Variants in PCDHGB7 observed in about 807,000 individuals in gnomAD.
PCDHGB7 encodes the protein protocadherin gamma-B7.
PCDHGB7 carries 37 observed loss-of-function variants against 61.4 expected under a neutral mutation model. That is an observed-to-expected ratio of 0.60 (90% CI 0.46 to 0.79). PCDHGB7 has a LOEUF of 0.79. PCDHGB7 is among the 30% of genes least tolerant of loss of function. The pLI, the probability that PCDHGB7 is intolerant of heterozygous loss-of-function variation, is 0.00. For missense variants in PCDHGB7, 1,166 were observed against 1,202.5 expected (o/e 0.97, Z 0.45); for synonymous variants, 464 against 503.5 (o/e 0.92, Z 1.05).
rs1051300319 is a variant in PCDHGB7 at position 141,491,957 on chromosome 5, A to T, written c.2416-2850A>T. ...GACCGACCCCCACCCCTACACTCAA[A>T]AAAGGCCGGGGCCTCCTTCGAGCTT... is the stretch of plus-strand genomic sequence containing the variant. On this transcript the variant is annotated intron_variant, in intron 1 of 3. Coordinates refer to ENST00000398594, the MANE Select transcript of PCDHGB7 (RefSeq NM_018927.4). The surrounding 1 kb of genome is among the most constrained non-coding windows in gnomAD (Gnocchi z 6.9). 3.6e-5 allele frequency: 37 copies of T among 1,020,096 alleles called. No individual in the cohort carries two copies. The highest frequency in any genetic ancestry group is 5.0e-5 in the Non-Finnish European group (37 of 736,248). The allele number at this position is 1,020,096 out of a possible 1,614,324, so 63.2% of individuals were successfully genotyped here.
intron 1 of PCDHGB7, chr5:141,421,355 G>C (rs1561793348): frequency 6.2e-7 from 1 of 1,613,990 alleles, no homozygotes. Flanking sequence ...ACCGAAAAGG[G>C]CTCCTTCGTG....
Position 141,489,361 on chromosome 5 carries a change from C to A in PCDHGB7, c.2416-5446C>A. ...TTACTCAGTGGTGGAGGAGTCTGAG[C>A]CGGGGACGCTGGTGGGGAATGTTGC... On this transcript the variant is annotated intron_variant, in intron 1 of 3. Transcript: ENST00000398594. This position sits in a 1 kb window ranked among gnomAD's most constrained non-coding sequence, Gnocchi z 4.5. 1 of 1,612,880 alleles carries A rather than the reference C, an allele frequency of 6.2e-7. No individual in the cohort carries two copies. The highest frequency in any genetic ancestry group is 8.5e-7 in the Non-Finnish European group (1 of 1,179,164).
chr5:141,473,235 C>T (rs1322325327), intron 1 of PCDHGB7, among the ~76,000 whole-genome samples: 1 of 152,132 alleles, frequency 6.6e-6, no homozygotes, highest in Non-Finnish European at 1.5e-5. Flanking sequence ...TGGATCCACA[C>T]AAGTGAATAC....
chr5:141,476,036 A>G lies in PCDHGB7; in HGVS notation c.2416-18771A>G. The G allele has an allele frequency of 1.4e-6, 2 of 1,471,164 alleles. No individual in the cohort carries two copies. Among genetic ancestry groups the G allele is most frequent in the Non-Finnish European group, 1.8e-6 (2 of 1,106,602 alleles). 91.1% of individuals were successfully genotyped at this position (1,471,164 alleles called of 1,614,324 possible). ...ATGTCGGACTCGGCGCCCAGCGCCCAAGCGCTAACCCGCTGAAAGTTTCTC... is the reference window on the plus strand; with the variant it reads ...ATGTCGGACTCGGCGCCCAGCGCCCGAGCGCTAACCCGCTGAAAGTTTCTC... On this transcript the variant is annotated intron_variant, in intron 1 of 3. Transcript: ENST00000398594. The surrounding 1 kb of genome is among the most constrained non-coding windows in gnomAD (Gnocchi z 7.6).
In PCDHGB7 at chr5:141,505,496, T is replaced by C; in HGVS notation, c.2563+15T>C. 6.2e-7 allele frequency: 1 copy of C among 1,614,148 alleles called. No homozygotes were observed. The highest frequency in any genetic ancestry group is 8.5e-7 in the Non-Finnish European group (1 of 1,180,004). ...GTCCGCCAGTGGTAAGTGGTGTCAGTGTGTGTATGGAAGAGTGGGAGACCT... is the reference window on the plus strand; with the variant it reads ...GTCCGCCAGTGGTAAGTGGTGTCAGCGTGTGTATGGAAGAGTGGGAGACCT... On this transcript the variant is annotated intron_variant, in intron 3 of 3. Transcript: ENST00000398594.
At chr5:141,451,807 G>A (rs896081470) in intron 1 of PCDHGB7, among the ~76,000 whole-genome samples, 5 of 150,778 alleles carry the variant, frequency 3.3e-5, no homozygotes, top group African/African-American at 1.2e-4. Flanking sequence ...CTTGAACCCA[G>A]GAGGCGGAGG....
In PCDHGB7 at chr5:141,491,091, A is replaced by T; in HGVS notation, c.2416-3716A>T. ...TGTTGCCACAGTCCACAGCCCCAGG[A>T]CTGTTCCTCGTGTCTACACACACTG... On this transcript the variant is annotated intron_variant, in intron 1 of 3. Transcript: ENST00000398594. This position sits in a 1 kb window ranked among gnomAD's most constrained non-coding sequence, Gnocchi z 6.9. The T allele has an allele frequency of 6.2e-7, 1 of 1,614,032 alleles. No individual in the cohort carries two copies. Among genetic ancestry groups the T allele is most frequent in the Non-Finnish European group, 8.5e-7 (1 of 1,180,000 alleles).
intron 1 of PCDHGB7, chr5:141,478,523 G>A: frequency 1.2e-6 from 2 of 1,609,908 alleles, no homozygotes; most frequent in Non-Finnish European, 1.7e-6. Flanking sequence ...GGTGTTGGGT[G>A]CAGAGAGCGC....
chr5:141,485,726 C>G lies in PCDHGB7; in HGVS notation c.2416-9081C>G. On this transcript the variant is annotated intron_variant, in intron 1 of 3. Transcript: ENST00000398594. The surrounding 1 kb of genome is among the most constrained non-coding windows in gnomAD (Gnocchi z 5.7). ...ACACTTTGCACTGGATGTGAAGAAG[C>G]GCAGCGACGGCAGCCTGGTCCCAGA... 2 of 1,614,140 alleles carry G rather than the reference C, an allele frequency of 1.2e-6. No individual in the cohort carries two copies. The highest frequency in any genetic ancestry group is 1.1e-5 in the South Asian group (1 of 91,082).
rs2097370658 is a variant in PCDHGB7 at position 141,431,413 on chromosome 5, C to T, written c.2415+11139C>T. The T allele has an allele frequency of 1.2e-6, 2 of 1,613,564 alleles. No homozygotes were observed. Among genetic ancestry groups the T allele is most frequent in the African/African-American group, 2.7e-5 (2 of 74,952 alleles). ...TGGTCCTTACGGCCTCCGACGGGGG[C>T]GACCCGGTGCGCACAGGCACCGCGC... On this transcript the variant is annotated intron_variant, in intron 1 of 3. Transcript: ENST00000398594. This position sits in a 1 kb window ranked among gnomAD's most constrained non-coding sequence, Gnocchi z 4.8.
intron 2 of PCDHGB7, among the ~76,000 whole-genome samples, chr5:141,501,306 C>T (rs1016823458): frequency 5.3e-5 from 8 of 151,412 alleles, no homozygotes; most frequent in Non-Finnish European, 8.8e-5. Context: ...CACACACACA[C>T]ACACACACAC....
At chr5:141,467,214 G>A (rs1333148694) in intron 1 of PCDHGB7, among the ~76,000 whole-genome samples, 1 of 151,856 alleles carries the variant, frequency 6.6e-6, no homozygotes, top group Admixed American at 6.6e-5. Context: ...CACCATGCCT[G>A]GCTAATTTTT....
At chr5:141,472,729 T>G (rs2099294506) in intron 1 of PCDHGB7, among the ~76,000 whole-genome samples, 1 of 152,004 alleles carries the variant, frequency 6.6e-6, no homozygotes. Context: ...CTCACACCTG[T>G]AATCCCAGCA....
chr5:141,490,923 C>T lies in PCDHGB7; in HGVS notation c.2416-3884C>T. The T allele has an allele frequency of 6.2e-7, 1 of 1,613,668 alleles. No homozygotes were observed. Among genetic ancestry groups the T allele is most frequent in the South Asian group, 1.1e-5 (1 of 91,050 alleles). On this transcript the variant is annotated intron_variant, in intron 1 of 3. Coordinates refer to ENST00000398594, the MANE Select transcript of PCDHGB7 (RefSeq NM_018927.4). The surrounding 1 kb of genome is among the most constrained non-coding windows in gnomAD (Gnocchi z 5.4). ...TTGTCCTAGACGAGAATGATAATGC[C>T]CCAGCTGTGCTGCACCCACGGCCAG...
Position 141,476,838 on chromosome 5 carries a change from C to T in PCDHGB7, c.2416-17969C>T, listed in dbSNP as rs1347278637. 2.5e-6 allele frequency: 4 copies of T among 1,613,496 alleles called. No individual in the cohort carries two copies. Among genetic ancestry groups the T allele is most frequent in the Non-Finnish European group, 3.4e-6 (4 of 1,180,054 alleles). ...AAGGTGCTGGACGCGAATGACAATG[C>T]GCCTGTCTTCAACCAGTCCTTGTAC... On this transcript the variant is annotated intron_variant, in intron 1 of 3. Transcript: ENST00000398594. This position sits in a 1 kb window ranked among gnomAD's most constrained non-coding sequence, Gnocchi z 7.6.
Position 141,419,932 on chromosome 5 carries a change from C to T in PCDHGB7, c.2073C>T (p.Tyr691=). The T allele has an allele frequency of 6.2e-7, 1 of 1,614,090 alleles. No individual in the cohort carries two copies. Among genetic ancestry groups the T allele is most frequent in the Non-Finnish European group, 8.5e-7 (1 of 1,179,908 alleles). ...PSDSQAEMQF[Y]LVVALALISV... ...ACTCCCAGGCTGAGATGCAGTTTTA[C>T]CTGGTGGTGGCCTTGGCCTTGATTT... Residue 691 remains tyrosine, a synonymous_variant, in exon 1 of 4, where the codon TAC becomes TAT. Transcript: ENST00000398594.
Position 141,485,337 on chromosome 5 carries a change from A to G in PCDHGB7, c.2416-9470A>G, listed in dbSNP as rs147409155. On this transcript the variant is annotated intron_variant, in intron 1 of 3. Transcript: ENST00000398594. The surrounding 1 kb of genome is among the most constrained non-coding windows in gnomAD (Gnocchi z 5.7). ...AATGTCGCTCAAGATTTCCTGCTGG[A>G]TACGGACAGTCTGTCAGCTCGCAGG... 4.3e-5 allele frequency: 70 copies of G among 1,614,012 alleles called. No individual in the cohort carries two copies. Among genetic ancestry groups the G allele is most frequent in the Non-Finnish European group, 5.7e-5 (67 of 1,180,016 alleles).
chr5:141,487,675 A>G lies in PCDHGB7; in HGVS notation c.2416-7132A>G, dbSNP rs752606441. ...GTTATTCTGATCCAGGCATATGGCT[A>G]GGCCATGTCCTAGAGAGTACTGGCC... On this transcript the variant is annotated intron_variant, in intron 1 of 3. Transcript: ENST00000398594. This position sits in a 1 kb window ranked among gnomAD's most constrained non-coding sequence, Gnocchi z 5.0. 22 of 1,611,038 alleles carry G rather than the reference A, an allele frequency of 1.4e-5. No individual in the cohort carries two copies. Among genetic ancestry groups the G allele is most frequent in the Non-Finnish European group, 1.7e-5 (20 of 1,178,458 alleles).
At position 141,487,047 on chromosome 5, in the gene PCDHGB7, C is replaced by T; in HGVS notation, c.2416-7760C>T. The T allele has an allele frequency of 6.2e-7, 1 of 1,614,188 alleles. No individual in the cohort carries two copies. Among genetic ancestry groups the T allele is most frequent in the Non-Finnish European group, 8.5e-7 (1 of 1,180,032 alleles). ...AGCCTGTTTGCAGTCTCTCGATATGCTGGGGAGGTGCGGACGGCTGTTCCT... is the reference window on the plus strand; with the variant it reads ...AGCCTGTTTGCAGTCTCTCGATATGTTGGGGAGGTGCGGACGGCTGTTCCT... On this transcript the variant is annotated intron_variant, in intron 1 of 3. Coordinates refer to ENST00000398594, the MANE Select transcript of PCDHGB7 (RefSeq NM_018927.4). This position sits in a 1 kb window ranked among gnomAD's most constrained non-coding sequence, Gnocchi z 5.0.
Sources: gnomAD v4.1 joint callset for allele counts (sites outside exome capture counted in the v4.1 genomes callset) on GRCh38, gnomAD v4.1.1 for gene constraint, Gnocchi (gnomAD v3.1) non-coding constraint, MANE v1.5 for transcripts, NCBI Gene and HGNC (gene_info 2026-07-23, HGNC 2026-07-21) for gene names.